The following TSPEAR variants were observed in gnomAD, a reference collection of about 807,000 sequenced individuals.
The protein encoded by TSPEAR is thrombospondin type laminin G domain and EAR repeats.
Under a neutral mutation model 71.6 loss-of-function variants are expected in TSPEAR, and 69 were observed. The observed-to-expected ratio is 0.96, with a 90% CI of 0.79 to 1.18. The LOEUF (loss-of-function observed/expected upper bound fraction) is 1.18, where lower values mean the gene tolerates loss of function less well. Among genes scored for constraint, TSPEAR ranks in the 50% most tolerant of loss-of-function variants. TSPEAR has a pLI of 0.00. For missense variants in TSPEAR, 971 were observed against 894.9 expected, an observed-to-expected ratio of 1.09 and a Z score of -1.09; for synonymous variants, 402 against 387.2, an observed-to-expected ratio of 1.04 and a Z score of -0.45.
In TSPEAR at chr21:44,525,670, A is replaced by G; in HGVS notation, c.1319T>C (p.Val440Ala). Residue 440 changes from valine (V) to alanine (A), a missense_variant, in exon 8 of 12, where the codon GTG becomes GCG. Transcript: ENST00000323084. Reference sequence around the variant, plus strand: ...TGCCCTACCTTCCCGGTGGTTGGCCACCGCCAGGAAGTGCTCCCCATCCAC... The same window carrying G: ...TGCCCTACCTTCCCGGTGGTTGGCCGCCGCCAGGAAGTGCTCCCCATCCAC... ...FEVDGEHFLA[V>A]ANHREGDNHN... 6.2e-7 allele frequency: 1 copy of G among 1,613,996 alleles called. No homozygotes were observed. The highest frequency in any genetic ancestry group is 8.5e-7 in the Non-Finnish European group (1 of 1,179,972).
chr21:44,691,126 C>T (rs1315559464), intron 1 of TSPEAR, among the ~76,000 whole-genome samples: 2 of 151,902 alleles, frequency 1.3e-5, no homozygotes, highest in Non-Finnish European at 2.9e-5. Context: ...CTCTCTCTCT[C>T]CCCAGCTCAC....
At chr21:44,654,210 G>A (rs1984981911) in intron 1 of TSPEAR, 3 of 1,314,964 alleles carry the variant, frequency 2.3e-6, no homozygotes, top group Non-Finnish European at 2.2e-6. Flanking sequence ...GGACTGCCTG[G>A]CAGGAGTTCA....
intron 1 of TSPEAR, chr21:44,637,695 CCTGCTGTGTGCCTGT>C (rs56249559): frequency 0.54 from 851,593 of 1,578,364 alleles, 228,117 homozygotes; most frequent in Admixed American, 0.66. Flanking sequence ...TGCCAGCAGG[CCTGCTGTGTGCCTGT>C]CTGCTGTGTG....
At chr21:44,602,302 A>C (rs1601473716) in intron 1 of TSPEAR, 1 of 161,470 alleles carries the variant, frequency 6.2e-6, no homozygotes, top group Non-Finnish European at 1.4e-5. Context: ...GCAGCCCTGC[A>C]CCAGCCTCAC....
chr21:44,706,449 A>G (rs1029487916), intron 1 of TSPEAR, among the ~76,000 whole-genome samples: 2 of 150,218 alleles, frequency 1.3e-5, no homozygotes. Context: ...GCGCACCCAC[A>G]TGTACACACC....
chr21:44,689,744 G>T (rs1165254107), intron 1 of TSPEAR, among the ~76,000 whole-genome samples: 51 of 47,314 alleles, frequency 1.1e-3, no homozygotes, highest in African/African-American at 4.7e-3. Context: ...TATATATTTT[G>T]GGGGGGGTTA....
At chr21:44,584,263 A>T (rs1555925470) in intron 1 of TSPEAR, among the ~76,000 whole-genome samples, 1 of 151,842 alleles carries the variant, frequency 6.6e-6, no homozygotes, top group African/African-American at 2.4e-5. Flanking sequence ...TAATGACAGG[A>T]TCTCCCTCCT....
chr21:44,695,343 C>T lies in TSPEAR; in HGVS notation c.82+16090G>A, dbSNP rs1987288020. Among the ~76,000 whole-genome samples, 1 of 152,118 alleles carries T rather than the reference C, an allele frequency of 6.6e-6. No homozygotes were observed. The highest frequency in any genetic ancestry group is 1.5e-5 in the Non-Finnish European group (1 of 68,022). ...CAGAACAGGCCCCTGGGTCTCGGTC[C>T]CCAAAGCACCTCTTCTCAGACCTTC... is the stretch of plus-strand genomic sequence containing the variant. On this transcript the variant is annotated intron_variant, in intron 1 of 11. Coordinates refer to ENST00000323084, the MANE Select transcript of TSPEAR (RefSeq NM_144991.3). The surrounding 1 kb of genome is among the most constrained non-coding windows in gnomAD (Gnocchi z 4.5).
At chr21:44,627,515 G>T in intron 1 of TSPEAR, 1 of 1,532,658 alleles carries the variant, frequency 6.5e-7, no homozygotes, top group South Asian at 1.3e-5. Flanking sequence ...CCCGTCTGCT[G>T]TGGGGCTTCT....
At chr21:44,588,115 A>T (rs1979461071) in intron 1 of TSPEAR, among the ~76,000 whole-genome samples, 1 of 152,230 alleles carries the variant, frequency 6.6e-6, no homozygotes, top group Non-Finnish European at 1.5e-5. Flanking sequence ...AAATCTTCAC[A>T]ATCTGTACAT....
intron 2 of TSPEAR, among the ~76,000 whole-genome samples, chr21:44,535,170 T>C (rs1397217543): frequency 1.3e-5 from 2 of 152,140 alleles, no homozygotes; most frequent in Non-Finnish European, 2.9e-5. Flanking sequence ...CACAACAACA[T>C]GGATGTCCTG....
chr21:44,502,852 G>C (rs782738699), intron 11 of TSPEAR, among the ~76,000 whole-genome samples: 5 of 146,742 alleles, frequency 3.4e-5, no homozygotes, highest in Admixed American at 6.7e-5. Context: ...GTGAGCCCTT[G>C]GGGGGAAGCA....
At chr21:44,637,185 C>G (rs1983632041) in intron 1 of TSPEAR, among the ~76,000 whole-genome samples, 1 of 152,112 alleles carries the variant, frequency 6.6e-6, no homozygotes, top group South Asian at 2.1e-4. Flanking sequence ...CAGGACCAGC[C>G]AAGTGTTAGG....
At chr21:44,608,461 G>A (rs923578319) in intron 1 of TSPEAR, among the ~76,000 whole-genome samples, 14 of 151,970 alleles carry the variant, frequency 9.2e-5, no homozygotes, top group African/African-American at 2.4e-4. Flanking sequence ...TTTTGTTTTC[G>A]TTACAAAAAC....
At chr21:44,611,044 C>T (rs1981631711) in intron 1 of TSPEAR, among the ~76,000 whole-genome samples, 1 of 152,110 alleles carries the variant, frequency 6.6e-6, no homozygotes, top group Non-Finnish European at 1.5e-5. Context: ...ATTTTACAGG[C>T]TCATAGGTGG....
chr21:44,522,122 A>G lies in TSPEAR; in HGVS notation c.1337-10T>C. The G allele has an allele frequency of 1.2e-6, 2 of 1,613,330 alleles. No individual in the cohort carries two copies. The highest frequency in any genetic ancestry group is 1.1e-5 in the South Asian group (1 of 91,014). ...ATGTTGTGGTTGTCGCCTGGAACCAAGGGACTGTGCTGGGGGCAGGGAGGC... is the reference window on the plus strand; with the variant it reads ...ATGTTGTGGTTGTCGCCTGGAACCAGGGGACTGTGCTGGGGGCAGGGAGGC... On this transcript the variant is annotated splice_polypyrimidine_tract_variant and intron_variant, in intron 8 of 11. Coordinates refer to ENST00000323084, the MANE Select transcript of TSPEAR (RefSeq NM_144991.3).
intron 1 of TSPEAR, among the ~76,000 whole-genome samples, chr21:44,699,801 T>C (rs906155698): frequency 6.6e-6 from 1 of 152,192 alleles, no homozygotes; most frequent in Non-Finnish European, 1.5e-5. Context: ...CCTCCAGGTG[T>C]GCCCCCAGAC....
rs12329857 is a variant in TSPEAR at position 44,549,600 on chromosome 21, G to A, written c.304-15677C>T. On this transcript the variant is annotated intron_variant, in intron 2 of 11. Transcript: ENST00000323084. ...CTCAGGGCCTCTTGCGGGCAACGTG[G>A]TGACGGTCATACCTCGCCAGCATCC... Among the ~76,000 whole-genome samples the A allele has an allele frequency of 8.7e-3, 1,326 of 152,344 alleles. 13 individuals carry two copies. Among genetic ancestry groups the A allele is most frequent in the African/African-American group, 0.03 (1,243 of 41,578 alleles).
chr21:44,675,306 C>T (rs781933241), intron 1 of TSPEAR, among the ~76,000 whole-genome samples: 7 of 152,064 alleles, frequency 4.6e-5, no homozygotes, highest in Admixed American at 2.0e-4. Flanking sequence ...ATCACATTAA[C>T]AGAATGAAGG....
Sources: gnomAD v4.1 joint callset for allele counts (sites outside exome capture counted in the v4.1 genomes callset) on GRCh38, gnomAD v4.1.1 for gene constraint, Gnocchi (gnomAD v3.1) non-coding constraint, MANE v1.5 for transcripts, NCBI Gene and HGNC (gene_info 2026-07-23, HGNC 2026-07-21) for gene names.